Variants in CD34 observed in about 807,000 individuals in gnomAD.
The protein encoded by CD34 is CD34 molecule, also known as hematopoietic progenitor cell antigen CD34.
A neutral mutation model predicts 40.1 loss-of-function variants in CD34; 34 were observed. The observed-to-expected ratio is 0.85, with a 90% CI of 0.65 to 1.13. The LOEUF is 1.13. Ranked by LOEUF, CD34 falls within the 50% of genes most tolerant of loss-of-function variation. CD34 has a pLI of 0.00. For synonymous variants in CD34, 209 were observed against 190.0 expected (o/e 1.10, Z -0.82); for missense variants, 426 against 466.9 (o/e 0.91, Z 0.81).
At chr1:207,889,973 T>C (rs769185802) in intron 4 of CD34, 26 of 1,449,610 alleles carry the variant, frequency 1.8e-5, no homozygotes, top group Non-Finnish European at 2.2e-5. Context: ...CAATAATAAC[T>C]AAGAGAAAAT....
At position 207,911,058 on chromosome 1, in the gene CD34, C is replaced by G. The variant is rs781011652; in HGVS notation, c.23G>C (p.Arg8Pro). MLVRRGA[R>P]AGPRMPRGWT... ...GCCCCGCGGCATCCTGGGCCCTGCGCGCGCGCCCCTGCGGACCAGCATCCT... is the reference window on the plus strand; with the variant it reads ...GCCCCGCGGCATCCTGGGCCCTGCGGGCGCGCCCCTGCGGACCAGCATCCT... Residue 8 changes from arginine to proline, a missense_variant, in exon 1 of 8, where the codon CGC (arginine) becomes CCC (proline). Arg to Pro is a moderately radical substitution (Grantham distance 103, BLOSUM62 -2). Coordinates refer to ENST00000310833, the MANE Select transcript of CD34 (RefSeq NM_001025109.2). 1 of 1,590,758 alleles carries G rather than the reference C, an allele frequency of 6.3e-7. No individual in the cohort carries two copies. The highest frequency in any genetic ancestry group is 8.5e-7 in the Non-Finnish European group (1 of 1,172,112).
chr1:207,905,885 G>A (rs1662370783), intron 1 of CD34, among the ~76,000 whole-genome samples: 1 of 152,152 alleles, frequency 6.6e-6, no homozygotes. Context: ...CTATTGCTGA[G>A]ACATCTCATT....
rs151151359 is a variant in CD34 at position 207,907,991 on chromosome 1, C to A, written c.79+3011G>T. On this transcript the variant is annotated intron_variant, in intron 1 of 7. Coordinates refer to ENST00000310833, the MANE Select transcript of CD34 (RefSeq NM_001025109.2). ...TCAATGAGAGAGGGAGGCCCAAGTA[C>A]CTGAGAGTGGAGTTGGGTAACCATC... 8.5e-5 allele frequency among the ~76,000 whole-genome samples: 13 copies of A among 152,286 alleles called. No individual in the cohort carries two copies. The East Asian group carries it at 2.5e-3, about 29-fold the overall frequency.
rs902591382 is a variant in CD34, at chr1:207,903,996, G to T, written c.80-3993C>A. Among the ~76,000 whole-genome samples the T allele has an allele frequency of 1.8e-4, 27 of 152,272 alleles. No homozygotes were observed. The East Asian group carries it at 4.6e-3, about 26-fold the overall frequency. On this transcript the variant is annotated intron_variant, in intron 1 of 7. Transcript: ENST00000310833. ...TCTGAGTCATAAAGTCCTTTTCGGG[G>T]GGGTATTCTAAGAAAGCAAAGACAT... is the stretch of plus-strand genomic sequence containing the variant.
chr1:207,897,743 A>G (rs952158446), intron 3 of CD34, among the ~76,000 whole-genome samples, 170 bp from the exon 4 acceptor site: 4 of 152,224 alleles, frequency 2.6e-5, no homozygotes, highest in African/African-American at 9.6e-5. Context: ...TCTAATAGTC[A>G]TACTCTCGTC....
In CD34 at chr1:207,885,290, G is replaced by A. The variant is rs1344507412; in HGVS notation, c.*2448C>T. On this transcript the variant is annotated 3_prime_UTR_variant, in exon 8 of 8. Coordinates refer to ENST00000310833, the MANE Select transcript of CD34 (RefSeq NM_001025109.2). ...ACCAGGACGCTCAGGCCCACGGTGG[G>A]AAAGTTGGATTTTTCCAGAAAGCAG... 6.6e-6 allele frequency: 1 copy of A among 152,198 alleles called. No individual in the cohort carries two copies. Among genetic ancestry groups the A allele is most frequent in the East Asian group, 1.9e-4 (1 of 5,172 alleles). The allele number at this position is 152,198 out of a possible 1,614,324, so 9.4% of individuals were successfully genotyped here. A position where few individuals can be genotyped will look rare whatever the true frequency, so the allele number is the denominator to read the frequency against.
In CD34 at chr1:207,888,793, G is replaced by A; in HGVS notation, c.861C>T (p.Ser287=). 1.9e-6 allele frequency: 3 copies of A among 1,614,146 alleles called. No homozygotes were observed. Among genetic ancestry groups the A allele is most frequent in the Non-Finnish European group, 2.5e-6 (3 of 1,180,006 alleles). ...EQDVASHQSY[S]QKTLIALVTS... is the part of the protein sequence containing the mutation. ...TGACCAGTGCAATCAGGGTCTTTTG[G>A]GAATAGCTCTGGTGGCTTGCAACAT... The change falls in exon 7 of 8, where the codon TCC becomes TCT. Residue 287 remains serine, a synonymous_variant. Transcript: ENST00000310833.
In CD34 at chr1:207,887,573, T is replaced by C; in HGVS notation, c.*165A>G. Reference sequence around the variant, plus strand: ...AATGTGTAAAGGACAGGAGTTTACCTGCCCCTCCTCAAGGTGTAGGGCCCC... The same window carrying C: ...AATGTGTAAAGGACAGGAGTTTACCCGCCCCTCCTCAAGGTGTAGGGCCCC... On this transcript the variant is annotated 3_prime_UTR_variant, in exon 8 of 8. Transcript: ENST00000310833. The C allele has an allele frequency of 1.1e-6, 1 of 924,708 alleles. No individual in the cohort carries two copies. The highest frequency in any genetic ancestry group is 1.6e-6 in the Non-Finnish European group (1 of 627,966). The allele number at this position is 924,708 out of a possible 1,614,324, so 57.3% of individuals were successfully genotyped here. A position where few individuals can be genotyped will look rare whatever the true frequency, so the allele number is the denominator to read the frequency against.
Position 207,900,009 on chromosome 1 carries a change from G to T in CD34, c.80-6C>A. On this transcript the variant is annotated splice_polypyrimidine_tract_variant and splice_region_variant and intron_variant, in intron 1 of 7. Coordinates refer to ENST00000310833, the MANE Select transcript of CD34 (RefSeq NM_001025109.2). Reference sequence around the variant, plus strand: ...AAGACTCATGAACCCAGAAGCTATAGGGAAACGAGGAGGAAGAATCAGAAC... The same window carrying T: ...AAGACTCATGAACCCAGAAGCTATATGGAAACGAGGAGGAAGAATCAGAAC... 1 of 1,596,854 alleles carries T rather than the reference G, an allele frequency of 6.3e-7. No homozygotes were observed. The highest frequency in any genetic ancestry group is 1.3e-5 in the African/African-American group (1 of 74,258).
chr1:207,895,561 C>T (rs1321198197), intron 4 of CD34, among the ~76,000 whole-genome samples: 1 of 152,248 alleles, frequency 6.6e-6, no homozygotes, highest in East Asian at 1.9e-4. Flanking sequence ...AGCTGTGGCA[C>T]GAAGTAGGCC....
At chr1:207,888,011 GC>G in intron 7 of CD34, 88 bp from the exon 8 acceptor site, 1 of 1,537,994 alleles carries the variant, frequency 6.5e-7, no homozygotes, top group Non-Finnish European at 8.8e-7. Flanking sequence ...GGAAGTGGGG[GC>G]AGGGGTGGGA....
At chr1:207,888,012 C>T in intron 7 of CD34, 89 bp from the exon 8 acceptor site, 1 of 867,274 alleles carries the variant, frequency 1.2e-6, no homozygotes, top group South Asian at 2.9e-5. Flanking sequence ...GAAGTGGGGG[C>T]AGGGGTGGGA....
chr1:207,903,404 A>T lies in CD34; in HGVS notation c.80-3401T>A, dbSNP rs541079900. ...TGAAACCTCCACTCTTTTTCATTCT[A>T]GATGGGAGGAACGGTCCCTACCCAC... On this transcript the variant is annotated intron_variant, in intron 1 of 7. Coordinates refer to ENST00000310833, the MANE Select transcript of CD34 (RefSeq NM_001025109.2). Among the ~76,000 whole-genome samples, 10 of 152,320 alleles carry T rather than the reference A, an allele frequency of 6.6e-5. No homozygotes were observed. The East Asian group carries it at 9.7e-4, about 15-fold the overall frequency.
intron 2 of CD34, 92 bp downstream of exon 2, chr1:207,899,729 T>C: frequency 8.8e-7 from 1 of 1,133,592 alleles, no homozygotes; most frequent in South Asian, 1.5e-5. Flanking sequence ...TAATTTCCTC[T>C]GTGGAGAGGG....
At chr1:207,904,157 A>G (rs1268248361) in intron 1 of CD34, among the ~76,000 whole-genome samples, 1 of 152,202 alleles carries the variant, frequency 6.6e-6, no homozygotes, top group African/African-American at 2.4e-5. Context: ...ATATTTTAAG[A>G]GACTGAGTTT....
chr1:207,903,873 T>C (rs1013065222), intron 1 of CD34, among the ~76,000 whole-genome samples: 2 of 152,192 alleles, frequency 1.3e-5, no homozygotes, highest in African/African-American at 4.8e-5. Context: ...TTTTCTTGAA[T>C]CATTTATGGT....
intron 4 of CD34, among the ~76,000 whole-genome samples, chr1:207,891,416 T>G (rs940455000): frequency 6.6e-6 from 1 of 152,148 alleles, no homozygotes; most frequent in African/African-American, 2.4e-5. Context: ...GCGCGGTGAC[T>G]CATGCCTGTC....
At chr1:207,891,479 C>T (rs1175975208) in intron 4 of CD34, among the ~76,000 whole-genome samples, 6 of 151,568 alleles carry the variant, frequency 4.0e-5, no homozygotes, top group African/African-American at 9.7e-5. Flanking sequence ...CCCAGGAATT[C>T]GAGACCAGCC....
intron 4 of CD34, among the ~76,000 whole-genome samples, chr1:207,891,406 G>T (rs562404812): frequency 6.6e-6 from 1 of 152,260 alleles, no homozygotes; most frequent in South Asian, 2.1e-4. Context: ...TGCCAACCAG[G>T]CGCGGTGACT....
Sources: gnomAD v4.1 joint callset for allele counts (sites outside exome capture counted in the v4.1 genomes callset) on GRCh38, gnomAD v4.1.1 for gene constraint, MANE v1.5 for transcripts, NCBI Gene and HGNC (gene_info 2026-07-23, HGNC 2026-07-21) for gene names.